RPS6KA3: variants seen among roughly 807,000 people sequenced by gnomAD.
The protein encoded by RPS6KA3 is ribosomal protein S6 kinase A3, also known as ribosomal protein S6 kinase alpha-3.
In RPS6KA3, 4 loss-of-function variants were observed where a neutral mutation model predicts 67.2. The observed-to-expected ratio is 0.06, with a 90% CI of 0.03 to 0.14. RPS6KA3 has a LOEUF of 0.14. RPS6KA3 is among the 10% of genes least tolerant of loss of function. RPS6KA3 has a pLI of 1.00. For synonymous variants in RPS6KA3, 182 were observed against 183.7 expected (o/e 0.99, Z 0.07); for missense variants, 204 against 559.0 (o/e 0.36, Z 6.40).
intron 2 of RPS6KA3, among the ~76,000 whole-genome samples, chrX:20,219,518 T>C (rs1396418444): frequency 9.0e-6 from 1 of 111,713 alleles, no homozygotes; most frequent in African/African-American, 3.3e-5. Flanking sequence ...ATGTTAGTCA[T>C]AAGCATTAAT....
intron 3 of RPS6KA3, among the ~76,000 whole-genome samples, chrX:20,206,063 T>C (rs944394098): frequency 8.0e-5 from 9 of 112,063 alleles, no homozygotes; most frequent in Non-Finnish European, 1.7e-4. Flanking sequence ...ATTCTGCTTC[T>C]GCTCAGGGTG....
At chrX:20,174,710 CAT>C (rs1208854362) in intron 14 of RPS6KA3, among the ~76,000 whole-genome samples, 1 of 110,455 alleles carries the variant, frequency 9.1e-6, no homozygotes, top group Non-Finnish European at 1.9e-5. Flanking sequence ...TTTTCGATGA[CAT>C]ATGAAAAAAA....
chrX:20,249,376 A>C (rs2069797651), intron 1 of RPS6KA3, among the ~76,000 whole-genome samples: 1 of 111,987 alleles, frequency 8.9e-6, no homozygotes, highest in African/African-American at 3.2e-5. Flanking sequence ...TTTATTAATA[A>C]ATGGCCAAAC....
chrX:20,240,417 G>T (rs917077764), intron 1 of RPS6KA3, among the ~76,000 whole-genome samples: 1 of 105,224 alleles, frequency 9.5e-6, no homozygotes, highest in Admixed American at 1.0e-4. Context: ...CATCATGAAG[G>T]TGCTGAGCAT....
At chrX:20,172,984 G>T in intron 14 of RPS6KA3, 113 bp from the exon 15 acceptor site, 1 of 616,868 alleles carries the variant, frequency 1.6e-6, no homozygotes, top group South Asian at 2.7e-5. Context: ...AAATGAATAA[G>T]AATAAAAATA....
Position 20,254,628 on chromosome X carries a change from C to T in RPS6KA3, c.69+11936G>A, listed in dbSNP as rs183310891. 2.7e-5 allele frequency among the ~76,000 whole-genome samples: 3 copies of T among 112,205 alleles called. No individual in the cohort carries two copies. The East Asian group carries it at 8.3e-4, about 31-fold the overall frequency. On this transcript the variant is annotated intron_variant, in intron 1 of 21. Coordinates refer to ENST00000379565, the MANE Select transcript of RPS6KA3 (RefSeq NM_004586.3). ...AGTTTTCTGAGAAGAAATACATATA[C>T]AAGGAACTTCCCTATCAGCATTAGA...
At chrX:20,174,347 CT>C (rs746491012) in intron 14 of RPS6KA3, among the ~76,000 whole-genome samples, 16,569 of 91,268 alleles carry the variant, frequency 0.18, 1,659 homozygotes, top group African/African-American at 0.29. Flanking sequence ...ATTCTACTTT[CT>C]TTTTTTTTTT....
chrX:20,221,692 CCT>C (rs1278482626), intron 2 of RPS6KA3, among the ~76,000 whole-genome samples: 2 of 112,071 alleles, frequency 1.8e-5, no homozygotes, highest in Admixed American at 9.5e-5. Flanking sequence ...TTTGCTGACC[CCT>C]GTTCTCTAAT....
At chrX:20,176,581 A>C in intron 11 of RPS6KA3, 83 bp from the exon 12 acceptor site, 1 of 508,857 alleles carries the variant, frequency 2.0e-6, no homozygotes, top group Non-Finnish European at 3.3e-6. Flanking sequence ...TACTTGTCTA[A>C]TTAATTAATT....
intron 10 of RPS6KA3, among the ~76,000 whole-genome samples, chrX:20,180,463 C>T (rs1234956528): frequency 8.9e-6 from 1 of 112,173 alleles, no homozygotes. Flanking sequence ...AGAGAACCAC[C>T]AGAACTGGTT....
intron 2 of RPS6KA3, among the ~76,000 whole-genome samples, chrX:20,232,933 G>A (rs747739482): frequency 9.0e-6 from 1 of 111,559 alleles, no homozygotes; most frequent in African/African-American, 3.3e-5. Context: ...TCAGGAGTTC[G>A]AGGCCAGCTT....
chrX:20,225,815 G>A (rs1285768428), intron 2 of RPS6KA3, among the ~76,000 whole-genome samples: 1 of 111,828 alleles, frequency 8.9e-6, no homozygotes, highest in Non-Finnish European at 1.9e-5. Flanking sequence ...TTTTACTTCA[G>A]TTAAGTAAAG....
chrX:20,214,935 C>T (rs139278912), intron 2 of RPS6KA3, among the ~76,000 whole-genome samples: 2,525 of 106,138 alleles, frequency 0.024, 79 homozygotes, highest in African/African-American at 0.078. Flanking sequence ...ACCTCCTGGG[C>T]TCCAGTGATC....
Position 20,156,093 on chromosome X carries a change from G to T in RPS6KA3, c.2100+16C>A. 8.3e-7 allele frequency: 1 copy of T among 1,209,746 alleles called. No individual in the cohort carries two copies. Among genetic ancestry groups the T allele is most frequent in the Non-Finnish European group, 1.1e-6 (1 of 894,026 alleles). On this transcript the variant is annotated intron_variant, in intron 21 of 21. Coordinates refer to ENST00000379565, the MANE Select transcript of RPS6KA3 (RefSeq NM_004586.3). The stretch of plus-strand genomic sequence containing the variant: ...GGAGGACCTGTGGAAAACAGTGACT[G>T]TATGGGGCTGCTCACCTTTACTAGA...
intron 1 of RPS6KA3, among the ~76,000 whole-genome samples, chrX:20,247,773 C>T (rs1439240168): frequency 2.1e-5 from 2 of 96,638 alleles, no homozygotes; most frequent in Non-Finnish European, 2.0e-5. Context: ...GGCGACAGAG[C>T]GAGACTCCGT....
rs914584968 is a variant in RPS6KA3 at position 20,164,883 on chromosome X, ACT to A, written c.1764+14_1764+15del. 1.7e-6 allele frequency: 2 copies of A among 1,180,607 alleles called. No individual in the cohort carries two copies. The highest frequency in any genetic ancestry group is 2.2e-5 in the Admixed American group (1 of 45,592). On this transcript the variant is annotated intron_variant, in intron 18 of 21. Transcript: ENST00000379565. Reference sequence around the variant, plus strand: ...TAAAACATACTAATACTGCAAGCAAACTCTCTCACAATTACCTCTGGTGCAAC... The same window carrying A: ...TAAAACATACTAATACTGCAAGCAAACTCTCACAATTACCTCTGGTGCAAC...
intron 4 of RPS6KA3, among the ~76,000 whole-genome samples, chrX:20,198,502 CACACA>C (rs2148709629): frequency 8.9e-6 from 1 of 111,783 alleles, no homozygotes; most frequent in East Asian, 2.8e-4. Context: ...ACTTAAACAC[CACACA>C]ACACAACTCA....
At position 20,152,784 on chromosome X, in the gene RPS6KA3, A is replaced by G. The variant is rs1043285777; in HGVS notation, c.*2614T>C. 4 of 112,327 alleles carry G rather than the reference A, an allele frequency of 3.6e-5. No individual in the cohort carries two copies. Among genetic ancestry groups the G allele is most frequent in the Non-Finnish European group, 7.5e-5 (4 of 53,289 alleles). The allele number at this position is 112,327 out of a possible 1,213,427, so 9.3% of individuals were successfully genotyped here. On this transcript the variant is annotated 3_prime_UTR_variant, in exon 22 of 22. Transcript: ENST00000379565. The stretch of plus-strand genomic sequence containing the variant: ...TGAACATATAACTTGCTTTTCTCCA[A>G]TAAAATTGGCTGCTTGGCTAGGCAA...
At chrX:20,218,732 A>G in intron 2 of RPS6KA3, 1 of 721,972 alleles carries the variant, frequency 1.4e-6, no homozygotes, top group Non-Finnish European at 2.1e-6. Context: ...GAAATAACTA[A>G]TTACTGTAAT....
Sources: gnomAD v4.1 joint callset for allele counts (sites outside exome capture counted in the v4.1 genomes callset) on GRCh38, gnomAD v4.1.1 for gene constraint, MANE v1.5 for transcripts, NCBI Gene and HGNC (gene_info 2026-07-23, HGNC 2026-07-21) for gene names.